Variants in NUDC observed in about 807,000 individuals in gnomAD.
NUDC encodes nuclear migration protein nudC.
In NUDC, 14 loss-of-function variants were observed where a neutral mutation model predicts 45.0. The ratio of observed to expected loss-of-function variants is 0.31; its 90% CI spans 0.21 to 0.49. NUDC has a LOEUF of 0.49. Ranked by LOEUF, NUDC falls within the 20% of genes least tolerant of loss-of-function variation. The pLI is 0.99. For synonymous variants in NUDC, 153 were observed against 156.7 expected (o/e 0.98, Z 0.17); for missense variants, 323 against 426.2 (o/e 0.76, Z 2.13).
At chr1:26,908,341 A>G (rs899954599) in intron 2 of NUDC, among the ~76,000 whole-genome samples, 6 of 152,308 alleles carry the variant, frequency 3.9e-5, no homozygotes, top group Middle Eastern at 3.4e-3. Flanking sequence ...TGGAAAGCCT[A>G]CAGTCTCATG....
intron 3 of NUDC, chr1:26,914,063 T>C (rs1161200830): frequency 1.2e-6 from 1 of 807,302 alleles, no homozygotes; most frequent in Non-Finnish European, 1.7e-6. Context: ...AGAAGTCATG[T>C]TCATTGAAAA....
exon 1 of NUDC, chr1:26,900,390 C>G: frequency 6.2e-7 from 1 of 1,613,936 alleles, no homozygotes. Flanking sequence ...GGGGATACCG[C>G]TCACTACCAG....
chr1:26,909,610 C>T (rs2082017046), intron 2 of NUDC, among the ~76,000 whole-genome samples: 1 of 152,128 alleles, frequency 6.6e-6, no homozygotes, highest in African/African-American at 2.4e-5. Context: ...CTAATAGAGG[C>T]AGAAACTGGT....
intron 2 of NUDC, among the ~76,000 whole-genome samples, chr1:26,905,950 C>T (rs1011801401): frequency 2.0e-5 from 3 of 152,038 alleles, no homozygotes; most frequent in Admixed American, 6.6e-5. Flanking sequence ...ACTTTGAGAC[C>T]AACCTGGCTA....
chr1:26,918,744 T>C (rs2082074861), upstream of NUDC, among the ~76,000 whole-genome samples: 1 of 151,602 alleles, frequency 6.6e-6, no homozygotes, highest in South Asian at 2.1e-4. Flanking sequence ...CTGGCTAAGT[T>C]TTTGTATTTT....
chr1:26,900,516 G>A, intron 1 of NUDC: 7 of 1,278,738 alleles, frequency 5.5e-6, no homozygotes, highest in Non-Finnish European at 7.6e-6. Flanking sequence ...CCCCTGCGTT[G>A]CGAGATTGTG....
chr1:26,923,473 G>A (rs989676713), intron 1 of NUDC, among the ~76,000 whole-genome samples: 14 of 151,980 alleles, frequency 9.2e-5, no homozygotes, highest in African/African-American at 3.4e-4. Flanking sequence ...CGGTAACTTA[G>A]CCAGTGTCTT....
chr1:26,935,240 C>T (rs1426345962), intron 2 of NUDC, among the ~76,000 whole-genome samples: 1 of 152,168 alleles, frequency 6.6e-6, no homozygotes, highest in Non-Finnish European at 1.5e-5. Context: ...CCCTTGGCCT[C>T]CCAAAGTGTT....
chr1:26,921,174 G>A (rs891023814), upstream of NUDC, among the ~76,000 whole-genome samples: 1 of 152,168 alleles, frequency 6.6e-6, no homozygotes, highest in African/African-American at 2.4e-5. Flanking sequence ...CCTGGGCCCA[G>A]TGCAAAATGA....
At chr1:26,926,493 G>A (rs1203075295) in intron 2 of NUDC, among the ~76,000 whole-genome samples, 1 of 152,108 alleles carries the variant, frequency 6.6e-6, no homozygotes, top group Non-Finnish European at 1.5e-5. Flanking sequence ...AACACCTCTG[G>A]CCTTTCTGTG....
chr1:26,931,594 C>T (rs1456767150), intron 2 of NUDC, among the ~76,000 whole-genome samples: 11 of 149,878 alleles, frequency 7.3e-5, no homozygotes, highest in Non-Finnish European at 7.4e-5. Flanking sequence ...TCCTGGCCAA[C>T]GCGGTGAAAC....
At chr1:26,909,828 G>A (rs1441028483) in intron 2 of NUDC, among the ~76,000 whole-genome samples, 1 of 152,026 alleles carries the variant, frequency 6.6e-6, no homozygotes, top group Non-Finnish European at 1.5e-5. Context: ...GTGGGAGGTG[G>A]GGGGATACAG....
chr1:26,903,753 G>A (rs2081990446), intron 2 of NUDC, among the ~76,000 whole-genome samples: 1 of 152,058 alleles, frequency 6.6e-6, no homozygotes, highest in Admixed American at 6.6e-5. Flanking sequence ...GCTCACACCT[G>A]TAATTCCAGC....
chr1:26,900,237 G>A (rs545737923), upstream of NUDC: 5 of 1,614,150 alleles, frequency 3.1e-6, no homozygotes, highest in African/African-American at 4.0e-5. Flanking sequence ...GGCTGGGTCG[G>A]TAGGAATTAG....
chr1:26,920,791 A>G (rs567049150), upstream of NUDC, among the ~76,000 whole-genome samples: 19 of 150,606 alleles, frequency 1.3e-4, no homozygotes, highest in South Asian at 6.3e-4. Context: ...AAAAAAAAAC[A>G]GCAGGGCGTG....
At chr1:26,933,660 C>T (rs535196734) in intron 2 of NUDC, among the ~76,000 whole-genome samples, 49 of 150,786 alleles carry the variant, frequency 3.2e-4, no homozygotes, top group African/African-American at 9.5e-4. Context: ...GTGATCCACC[C>T]GCCTCGGCCT....
chr1:26,913,592 T>G (rs1306731249), intron 3 of NUDC: 1 of 1,614,116 alleles, frequency 6.2e-7, no homozygotes. Flanking sequence ...TTCTTGAGTA[T>G]GCTGGGCACC....
rs199748967 is a variant in NUDC at position 26,942,985 on chromosome 1, G to C, written c.661G>C (p.Glu221Gln). Residue 221 changes from glutamate to glutamine, a missense_variant, in exon 6 of 9, where the codon GAG (glutamate) becomes CAG (glutamine). This residue lies in a region of NUDC where 245 missense variants were observed against 278.8 expected (regional missense o/e 0.88). Coordinates refer to ENST00000321265, the MANE Select transcript of NUDC (RefSeq NM_006600.4). ...GGGGCAGCCAGCGATCATTGATGGG[G>C]AGCTCTACAATGAAGTGAAGGTGGA... ...LKGQPAIIDG[E>Q]LYNEVKVEES... The C allele has an allele frequency of 1.9e-6, 3 of 1,614,176 alleles. No individual in the cohort carries two copies. The East Asian group carries it at 6.7e-5, about 36-fold the overall frequency.
intron 2 of NUDC, among the ~76,000 whole-genome samples, chr1:26,904,445 C>A (rs142495571): frequency 5.8e-4 from 89 of 152,156 alleles, no homozygotes; most frequent in African/African-American, 2.1e-3. Flanking sequence ...TATTTTTTAG[C>A]GATAGTGTCT....
Sources: allele counts gnomAD v4.1 joint callset (sites outside exome capture counted in the v4.1 genomes callset), GRCh38; gene constraint gnomAD v4.1.1; regional missense constraint gnomAD v4.1.1; transcripts MANE v1.5; gene names NCBI Gene and HGNC (gene_info 2026-07-23, HGNC 2026-07-21).